FGL1: variants seen among roughly 807,000 people sequenced by gnomAD.
The protein encoded by FGL1 is fibrinogen like 1, also known as fibrinogen-like protein 1.
A neutral mutation model predicts 43.7 loss-of-function variants in FGL1; 59 were observed. That is an observed-to-expected ratio of 1.35 (90% CI 1.10 to 1.68). The LOEUF (loss-of-function observed/expected upper bound fraction) is 1.68, where lower values mean the gene tolerates loss of function less well. FGL1 is among the 40% of genes most tolerant of loss of function. FGL1 has a pLI of 0.00. For synonymous variants in FGL1, 192 were observed against 126.5 expected, an observed-to-expected ratio of 1.52 and a Z score of -3.48; for missense variants, 596 against 373.0, an observed-to-expected ratio of 1.60 and a Z score of -4.92.
chr8:17,870,737 C>T lies in FGL1; in HGVS notation c.503-1733G>A, dbSNP rs529613755. ...CCTGGCCAACATGGTGAAACCCTGT[C>T]TCTATTAAAAATACAAAAATTAGCT... is the stretch of plus-strand genomic sequence containing the variant. On this transcript the variant is annotated intron_variant, in intron 5 of 7. Coordinates refer to ENST00000427924, the MANE Select transcript of FGL1 (RefSeq NM_004467.4). Among the ~76,000 whole-genome samples the T allele has an allele frequency of 6.4e-4, 97 of 152,186 alleles. No homozygotes were observed. The Middle Eastern group carries it at 0.017, about 27-fold the overall frequency.
At chr8:17,879,117 T>C (rs1253717070) in intron 3 of FGL1, among the ~76,000 whole-genome samples, 1 of 151,732 alleles carries the variant, frequency 6.6e-6, no homozygotes, top group Non-Finnish European at 1.5e-5. Context: ...TTCTGATTTT[T>C]TTGGCTTTTA....
chr8:17,888,104 A>G (rs1489478426), intron 1 of FGL1, among the ~76,000 whole-genome samples: 1 of 152,002 alleles, frequency 6.6e-6, no homozygotes, highest in Non-Finnish European at 1.5e-5. Flanking sequence ...TATGTAATGT[A>G]TTAAATATAA....
chr8:17,891,446 C>G (rs1049028907), intron 1 of FGL1: 6 of 152,402 alleles, frequency 3.9e-5, no homozygotes, highest in African/African-American at 1.4e-4. Context: ...CTCTGTGTGT[C>G]TCTGTGTCTA....
intron 7 of FGL1, among the ~76,000 whole-genome samples, chr8:17,865,377 G>A (rs1585123705): frequency 6.6e-6 from 1 of 152,112 alleles, no homozygotes; most frequent in African/African-American, 2.4e-5. Context: ...GCACTCACAC[G>A]TTCATTCCTC....
At chr8:17,872,864 G>A (rs2053385509) in intron 5 of FGL1, among the ~76,000 whole-genome samples, 1 of 152,224 alleles carries the variant, frequency 6.6e-6, no homozygotes, top group Non-Finnish European at 1.5e-5. Context: ...ACATCCAGAT[G>A]TCTGCTATTT....
rs1226149578 is a variant in FGL1 at position 17,864,599 on chromosome 8, A to C, written c.932T>G (p.Val311Gly). The change falls in exon 8 of 8, where the codon GTA becomes GGA. Residue 311 changes from valine (V) to glycine (G), a missense_variant. Physicochemically the swap from Val to Gly is moderately radical, Grantham distance 109. Coordinates refer to ENST00000427924, the MANE Select transcript of FGL1 (RefSeq NM_004467.4). ...KIRPNDFIPN[V>G]I The stretch of plus-strand genomic sequence containing the variant: ...AAAGCCCAACAGCAGCAATTAAATT[A>C]CATTTGGAATAAAATCATTTGGCCT... 1 of 1,603,152 alleles carries C rather than the reference A, an allele frequency of 6.2e-7. No homozygotes were observed. Among genetic ancestry groups the C allele is most frequent in the Non-Finnish European group, 8.5e-7 (1 of 1,177,494 alleles).
chr8:17,872,173 G>C (rs1352368743), intron 5 of FGL1, among the ~76,000 whole-genome samples: 1 of 152,176 alleles, frequency 6.6e-6, no homozygotes, highest in African/African-American at 2.4e-5. Flanking sequence ...TACTCATCCT[G>C]TCTAATGTTT....
chr8:17,886,326 G>T (rs1202633436), intron 1 of FGL1, among the ~76,000 whole-genome samples: 3 of 152,184 alleles, frequency 2.0e-5, no homozygotes, highest in Non-Finnish European at 4.4e-5. Context: ...TTGAACACAT[G>T]AATTTAATTT....
At chr8:17,881,511 A>C (rs1374108256) in intron 3 of FGL1, among the ~76,000 whole-genome samples, 1 of 151,594 alleles carries the variant, frequency 6.6e-6, no homozygotes, top group African/African-American at 2.4e-5. Context: ...TTTAGCATTC[A>C]CATTAAATGC....
intron 7 of FGL1, among the ~76,000 whole-genome samples, chr8:17,866,841 G>T (rs2053276741): frequency 6.6e-6 from 1 of 152,158 alleles, no homozygotes. Context: ...ATGACTTCAT[G>T]AATTACACGT....
At chr8:17,895,150 G>T in intron 1 of FGL1, 3 of 325,864 alleles carry the variant, frequency 9.2e-6, no homozygotes, top group Non-Finnish European at 1.3e-5. Flanking sequence ...ACTTTGATTA[G>T]CTTTAGAATA....
chr8:17,871,693 T>C (rs1057103112), intron 5 of FGL1, among the ~76,000 whole-genome samples: 3 of 152,194 alleles, frequency 2.0e-5, no homozygotes, highest in African/African-American at 7.2e-5. Context: ...CATTAATTCA[T>C]TAGCCGTAAT....
At chr8:17,869,340 C>A (rs996404006) in intron 5 of FGL1, among the ~76,000 whole-genome samples, 1 of 152,116 alleles carries the variant, frequency 6.6e-6, no homozygotes, top group Non-Finnish European at 1.5e-5. Context: ...CGACGTTTTA[C>A]CTTTAATAGT....
chr8:17,884,908 A>G (rs908468685), intron 2 of FGL1, among the ~76,000 whole-genome samples: 30 of 152,186 alleles, frequency 2.0e-4, no homozygotes, highest in African/African-American at 6.3e-4. Flanking sequence ...ACACTTTTCA[A>G]TATTGAAAAG....
At chr8:17,876,122 C>T (rs747672949) in intron 3 of FGL1, among the ~76,000 whole-genome samples, 13 of 152,268 alleles carry the variant, frequency 8.5e-5, no homozygotes, top group Admixed American at 7.2e-4. Context: ...AATAAAAATA[C>T]TATAACATCA....
chr8:17,889,137 T>A (rs962978877), intron 1 of FGL1, among the ~76,000 whole-genome samples: 2 of 152,098 alleles, frequency 1.3e-5, no homozygotes, highest in African/African-American at 4.8e-5. Context: ...ATTACTTACA[T>A]TAAAGGGCCC....
At chr8:17,879,327 T>C (rs554493016) in intron 3 of FGL1, among the ~76,000 whole-genome samples, 6 of 152,212 alleles carry the variant, frequency 3.9e-5, no homozygotes, top group Non-Finnish European at 7.4e-5. Context: ...GGTGACCCCT[T>C]ACTTCCCAAA....
In FGL1 at chr8:17,874,522, C is replaced by A. The variant is rs2053415808; in HGVS notation, c.245-1G>T. ...CCATCATTGAAAATCTCTGAACAAT[C>A]TGTTTTTAAAACAAGGTAATGTAAC... is the stretch of plus-strand genomic sequence containing the variant. On this transcript the variant is annotated splice_acceptor_variant, in intron 3 of 7. Coordinates refer to ENST00000427924, the MANE Select transcript of FGL1 (RefSeq NM_004467.4). LOFTEE classifies it high-confidence loss of function. 2 of 1,602,072 alleles carry A rather than the reference C, an allele frequency of 1.2e-6. No individual in the cohort carries two copies. The highest frequency in any genetic ancestry group is 1.3e-5 in the African/African-American group (1 of 74,524).
chr8:17,870,675 A>G (rs1411455849), intron 5 of FGL1, among the ~76,000 whole-genome samples: 2 of 152,084 alleles, frequency 1.3e-5, no homozygotes, highest in Admixed American at 1.3e-4. Context: ...TTCACACCCA[A>G]GTTGGGTGGA....
Sources: gnomAD v4.1 joint callset for allele counts (sites outside exome capture counted in the v4.1 genomes callset) on GRCh38, gnomAD v4.1.1 for gene constraint, MANE v1.5 for transcripts, NCBI Gene and HGNC (gene_info 2026-07-23, HGNC 2026-07-21) for gene names.